Variants in SLC39A13 observed in about 807,000 individuals in gnomAD.
SLC39A13 encodes zinc transporter ZIP13.
In SLC39A13, 18 loss-of-function variants were observed where a neutral mutation model predicts 38.7. That is an observed-to-expected ratio of 0.47 (90% CI 0.32 to 0.69). SLC39A13 has a LOEUF of 0.69. Among genes scored for constraint, SLC39A13 ranks in the 30% least tolerant of loss-of-function variants. The pLI is 0.03. For missense variants in SLC39A13, 395 were observed against 490.7 expected, an observed-to-expected ratio of 0.80 and a Z score of 1.84; for synonymous variants, 212 against 219.1, an observed-to-expected ratio of 0.97 and a Z score of 0.29.
At chr11:47,411,352 C>T (rs572977463) in intron 2 of SLC39A13, among the ~76,000 whole-genome samples, 47 of 152,326 alleles carry the variant, frequency 3.1e-4, no homozygotes, top group Admixed American at 2.2e-3. Context: ...CAGCTGTAAT[C>T]TCAGCAGTTT....
chr11:47,409,435 G>C lies in SLC39A13; in HGVS notation c.-8-652G>C, dbSNP rs201929429. 2.6e-5 allele frequency among the ~76,000 whole-genome samples: 4 copies of C among 152,350 alleles called. No homozygotes were observed. The East Asian group carries it at 5.8e-4, about 22-fold the overall frequency. On this transcript the variant is annotated intron_variant, in intron 1 of 9. Coordinates refer to ENST00000362021, the MANE Select transcript of SLC39A13 (RefSeq NM_001128225.3). ...CAGATGAGGGCACTGAGGCTCAGAGGGGGGGCTTCAGAGATTTGCCCAGAG... is the reference window on the plus strand; with the variant it reads ...CAGATGAGGGCACTGAGGCTCAGAGCGGGGGCTTCAGAGATTTGCCCAGAG...
chr11:47,414,625 C>A, intron 7 of SLC39A13, 150 bp downstream of exon 7: 2 of 1,500,934 alleles, frequency 1.3e-6, no homozygotes, highest in South Asian at 1.1e-5. Flanking sequence ...CTCACCCCAG[C>A]AGCCTGCAGC....
chr11:47,409,889 G>A (rs533353406), intron 1 of SLC39A13, 198 bp from the exon 2 acceptor site: 76 of 609,266 alleles, frequency 1.2e-4, no homozygotes, highest in Middle Eastern at 8.9e-4. Flanking sequence ...GAAAAAATAC[G>A]CAGTGCTCAG....
chr11:47,414,310 C>A, intron 6 of SLC39A13, 115 bp from the exon 7 acceptor site: 1 of 1,223,656 alleles, frequency 8.2e-7, no homozygotes, highest in South Asian at 1.3e-5. Context: ...CAGTGGCCAA[C>A]ACAGTGCCCA....
In SLC39A13 at chr11:47,414,805, C is replaced by A; in HGVS notation, c.815C>A (p.Ala272Asp). The part of the protein sequence containing the change: ...EVGDFAILLR[A>D]GFDRWSAAKL... Reference sequence around the variant, plus strand: ...GGCGACTTTGCCATCCTGCTCCGGGCCGGCTTTGACCGATGGAGCGCAGCC... The same window carrying A: ...GGCGACTTTGCCATCCTGCTCCGGGACGGCTTTGACCGATGGAGCGCAGCC... The change falls in exon 8 of 10, where the codon GCC becomes GAC. Residue 272 changes from alanine (A) to aspartate (D), a missense_variant. Ala to Asp is a moderately radical substitution (Grantham distance 126). Coordinates refer to ENST00000362021, the MANE Select transcript of SLC39A13 (RefSeq NM_001128225.3). The A allele has an allele frequency of 6.2e-7, 1 of 1,610,992 alleles. No individual in the cohort carries two copies. Among genetic ancestry groups the A allele is most frequent in the Non-Finnish European group, 8.5e-7 (1 of 1,180,006 alleles).
At chr11:47,413,358 G>A (rs2096009155) in intron 4 of SLC39A13, 42 bp from the exon 5 acceptor site, 6 of 1,589,578 alleles carry the variant, frequency 3.8e-6, no homozygotes, top group Non-Finnish European at 5.2e-6. Flanking sequence ...GGCTGAGTGG[G>A]GGGCATCTAA....
In SLC39A13 at chr11:47,415,432, A is replaced by G. The variant is rs1420787128; in HGVS notation, c.*69A>G. On this transcript the variant is annotated 3_prime_UTR_variant, in exon 10 of 10. Transcript: ENST00000362021. The stretch of plus-strand genomic sequence containing the variant: ...GCTCGGATTCACTCTGTGACCGCAT[A>G]TGTGAGAGGCAGAGAGGGCGAGTGG... 9 of 1,560,630 alleles carry G rather than the reference A, an allele frequency of 5.8e-6. No homozygotes were observed. The highest frequency in any genetic ancestry group is 3.3e-5 in the South Asian group (3 of 90,098).
At chr11:47,414,331 G>T in intron 6 of SLC39A13, 94 bp from the exon 7 acceptor site, 1 of 1,444,556 alleles carries the variant, frequency 6.9e-7, no homozygotes, top group South Asian at 1.2e-5. Flanking sequence ...CCCAGAGCCA[G>T]CTCAGAGCAG....
chr11:47,414,293 G>C, intron 6 of SLC39A13, 132 bp from the exon 7 acceptor site: 1 of 1,000,944 alleles, frequency 1.0e-6, no homozygotes, highest in East Asian at 2.6e-5. Context: ...AGTCACTGCT[G>C]TATTTCCAGT....
rs1308877341 is a variant in SLC39A13 at position 47,413,897 on chromosome 11, G to A, written c.735+211G>A. 4 of 721,006 alleles carry A rather than the reference G, an allele frequency of 5.5e-6. No homozygotes were observed. In the African/African-American group the frequency reaches 7.0e-5, roughly 13 times the overall value. The allele number at this position is 721,006 out of a possible 1,614,324, so 44.7% of individuals were successfully genotyped here. ...TCCTGTTCCCAGTACTCCTTGTTGG[G>A]TGCCTCTGTCAAGCTGCTAGGCGTG... On this transcript the variant is annotated intron_variant, in intron 6 of 9. Transcript: ENST00000362021.
intron 4 of SLC39A13, 132 bp downstream of exon 4, chr11:47,412,599 G>A: frequency 2.0e-6 from 3 of 1,509,528 alleles, no homozygotes; most frequent in Admixed American, 2.0e-5. Context: ...AGCTGCGGGA[G>A]GTTGGGCCAC....
intron 2 of SLC39A13, among the ~76,000 whole-genome samples, chr11:47,411,680 C>G (rs1294996469): frequency 1.3e-5 from 2 of 152,258 alleles, no homozygotes; most frequent in African/African-American, 4.8e-5. Flanking sequence ...CCAAAGTCAT[C>G]TGCCAAGGTC....
At chr11:47,413,166 C>T (rs758773174) in intron 4 of SLC39A13, among the ~76,000 whole-genome samples, 1 of 152,164 alleles carries the variant, frequency 6.6e-6, no homozygotes, top group African/African-American at 2.4e-5. Flanking sequence ...GGACCACGCC[C>T]AGCTAATTTT....
At position 47,415,866 on chromosome 11, in the gene SLC39A13, T is replaced by G; in HGVS notation, c.*503T>G. ...CTTTTCCTGGCCCTTCCTTCCCCAC[T>G]TCTAAGCCAAAGAAAGGAGAGGCAG... On this transcript the variant is annotated 3_prime_UTR_variant, in exon 10 of 10. Coordinates refer to ENST00000362021, the MANE Select transcript of SLC39A13 (RefSeq NM_001128225.3). The G allele has an allele frequency of 8.7e-6, 2 of 230,198 alleles. No individual in the cohort carries two copies. The highest frequency in any genetic ancestry group is 5.9e-5 in the South Asian group (1 of 16,866). 14.3% of individuals were successfully genotyped at this position (230,198 alleles called of 1,614,324 possible).
At chr11:47,407,897 G>A (rs911614050), upstream of SLC39A13, among the ~76,000 whole-genome samples, 2 of 152,260 alleles carry the variant, frequency 1.3e-5, no homozygotes, top group Admixed American at 1.3e-4. Context: ...TCCTCCAGGT[G>A]AGGGAAGCAC....
chr11:47,414,191 C>T, intron 6 of SLC39A13: 1 of 618,834 alleles, frequency 1.6e-6, no homozygotes, highest in South Asian at 1.9e-5. Context: ...TCTATCCATC[C>T]TTTCCTTCCC....
At position 47,410,446 on chromosome 11, in the gene SLC39A13, G is replaced by A. The variant is rs549724044; in HGVS notation, c.301+51G>A. On this transcript the variant is annotated intron_variant, in intron 2 of 9. Transcript: ENST00000362021. ...GGGCTGGCCAGGGTGTGGGAAGCATGCTGCTGCTCTTCTTAGGAGACCCCA... is the reference window on the plus strand; with the variant it reads ...GGGCTGGCCAGGGTGTGGGAAGCATACTGCTGCTCTTCTTAGGAGACCCCA... 19 of 1,604,402 alleles carry A rather than the reference G, an allele frequency of 1.2e-5. No individual in the cohort carries two copies. In the Admixed American group the frequency reaches 1.3e-4, roughly 11 times the overall value.
intron 6 of SLC39A13, chr11:47,414,071 C>T (rs560562648): frequency 4.1e-5 from 25 of 612,702 alleles, no homozygotes; most frequent in Admixed American, 3.7e-4. Flanking sequence ...GCCCACGCTT[C>T]GAGCGGCTGA....
At position 47,413,717 on chromosome 11, in the gene SLC39A13, C is replaced by T. The variant is rs1431121033; in HGVS notation, c.735+31C>T. ...GGGCTTGGGGCCAGTGGGGCTCTGG[C>T]GATTCCAGTGGCAGCCATGTGGATT... On this transcript the variant is annotated intron_variant, in intron 6 of 9. Coordinates refer to ENST00000362021, the MANE Select transcript of SLC39A13 (RefSeq NM_001128225.3). The T allele has an allele frequency of 4.4e-6, 7 of 1,606,216 alleles. No homozygotes were observed. The highest frequency in any genetic ancestry group is 1.1e-5 in the South Asian group (1 of 90,340).
Sources: gnomAD v4.1 joint callset for allele counts (sites outside exome capture counted in the v4.1 genomes callset) on GRCh38, gnomAD v4.1.1 for gene constraint, MANE v1.5 for transcripts, NCBI Gene and HGNC (gene_info 2026-07-23, HGNC 2026-07-21) for gene names.